Variants in KARS1 observed in about 807,000 individuals in gnomAD.
The protein encoded by KARS1 is lysine--tRNA ligase.
In KARS1, 50 loss-of-function variants were observed where a neutral mutation model predicts 63.9. The observed-to-expected ratio is 0.78, with a 90% CI of 0.62 to 0.99. KARS1 has a LOEUF of 0.99. Ranked by LOEUF, KARS1 falls within the 50% of genes least tolerant of loss-of-function variation. KARS1 has a pLI of 0.00. For synonymous variants in KARS1, 320 were observed against 264.6 expected, an observed-to-expected ratio of 1.21 and a Z score of -2.03; for missense variants, 816 against 754.5, an observed-to-expected ratio of 1.08 and a Z score of -0.95.
chr16:75,641,343 T>C (rs544928701), intron 2 of KARS1, among the ~76,000 whole-genome samples: 1 of 152,224 alleles, frequency 6.6e-6, no homozygotes, highest in South Asian at 2.1e-4. Flanking sequence ...GGAAGGTTAA[T>C]TCACTTGAAT....
chr16:75,629,770 G>T (rs1446719214), intron 11 of KARS1, among the ~76,000 whole-genome samples: 1 of 152,118 alleles, frequency 6.6e-6, no homozygotes, highest in Admixed American at 6.5e-5. Flanking sequence ...GCTAATTTTT[G>T]TATTTTTAGT....
rs2151809605 is a variant in KARS1 at position 75,640,491 on chromosome 16, T to C, written c.223-142A>G. On this transcript the variant is annotated intron_variant, in intron 2 of 13. Transcript: ENST00000302445. ...TAACCAAGACCTCTGCATTACAGGA[T>C]TGAATATGGAGTGAGATTTGCACTT... 12 of 775,612 alleles carry C rather than the reference T, an allele frequency of 1.5e-5. No individual in the cohort carries two copies. In the South Asian group the frequency reaches 1.8e-4, roughly 12 times the overall value. 48.0% of individuals were successfully genotyped at this position (775,612 alleles called of 1,614,324 possible). A position where few individuals can be genotyped will look rare whatever the true frequency, so the allele number is the denominator to read the frequency against.
chr16:75,628,311 GA>G (rs780547621), intron 13 of KARS1, among the ~76,000 whole-genome samples: 7 of 152,192 alleles, frequency 4.6e-5, no homozygotes, highest in Non-Finnish European at 1.5e-5. Context: ...TTAATTAGCT[GA>G]AATAATGCAC....
In KARS1 at chr16:75,635,754, T is replaced by G. The variant is rs1437353379; in HGVS notation, c.721A>C (p.Arg241=). The G allele has an allele frequency of 1.9e-6, 3 of 1,614,050 alleles. No homozygotes were observed. In the African/African-American group the frequency reaches 4.0e-5, roughly 22 times the overall value. The change falls in exon 6 of 14, where the codon AGG becomes CGG. Residue 241 remains arginine (R), a synonymous_variant. Coordinates refer to ENST00000302445, the MANE Select transcript of KARS1 (RefSeq NM_005548.3). ...YLDLILNDFV[R]QKFIIRSKII... ...TTAGAGCGGATGATAAATTTCTGCCTCACAAAGTCATTCAGGATCAAGTCC... is the reference window on the plus strand; with the variant it reads ...TTAGAGCGGATGATAAATTTCTGCCGCACAAAGTCATTCAGGATCAAGTCC...
rs554148087 is a variant in KARS1, at chr16:75,637,867, C to A, written c.389-1320G>T. 3.7e-5 allele frequency among the ~76,000 whole-genome samples: 5 copies of A among 135,830 alleles called. No individual in the cohort carries two copies. In the South Asian group the frequency reaches 7.0e-4, roughly 19 times the overall value. The allele number at this position is 135,830 out of a possible 152,430, so 89.1% of individuals were successfully genotyped here. A position where few individuals can be genotyped will look rare whatever the true frequency, so the allele number is the denominator to read the frequency against. On this transcript the variant is annotated intron_variant, in intron 3 of 13. Coordinates refer to ENST00000302445, the MANE Select transcript of KARS1 (RefSeq NM_005548.3). ...GCCAGGCTCCCTTCTAGGACAAGAC[C>A]GTAAAAACTAACAGGACAAGGAAAA...
In KARS1 at chr16:75,630,523, A is replaced by G. The variant is rs371316141; in HGVS notation, c.1339-15T>C. The G allele has an allele frequency of 3.9e-6, 6 of 1,534,754 alleles. No individual in the cohort carries two copies. Among genetic ancestry groups the G allele is most frequent in the Non-Finnish European group, 3.6e-6 (4 of 1,108,292 alleles). The stretch of plus-strand genomic sequence containing the variant: ...TCCCCAACAAGCTTAATGAGAAAGC[A>G]AAGCAGAGTCAGTCACCATTTCTGA... On this transcript the variant is annotated splice_polypyrimidine_tract_variant and intron_variant, in intron 10 of 13. Coordinates refer to ENST00000302445, the MANE Select transcript of KARS1 (RefSeq NM_005548.3).
At chr16:75,646,175 A>G (rs1436913989) in intron 1 of KARS1, among the ~76,000 whole-genome samples, 1 of 152,220 alleles carries the variant, frequency 6.6e-6, no homozygotes, top group Non-Finnish European at 1.5e-5. Context: ...GTCCTACCCA[A>G]CTATAAACTT....
At chr16:75,635,517 A>T (rs2082151917) in intron 6 of KARS1, 163 bp downstream of exon 6, 4 of 809,294 alleles carry the variant, frequency 4.9e-6, no homozygotes, top group Non-Finnish European at 8.2e-6. Context: ...CTGCCTTCCT[A>T]ATCAGGACAA....
intron 7 of KARS1, among the ~76,000 whole-genome samples, chr16:75,633,209 G>T (rs529743530): frequency 1.5e-3 from 222 of 152,262 alleles, no homozygotes; most frequent in Non-Finnish European, 2.0e-3. Context: ...AGGGTCGGCC[G>T]CAATGACAAA....
intron 3 of KARS1, among the ~76,000 whole-genome samples, chr16:75,637,900 C>CAAAAAAAAAAAAAAAAAAAAAAACCA (rs11386229): frequency 1.1e-5 from 1 of 93,778 alleles, no homozygotes; most frequent in Non-Finnish European, 2.3e-5. Flanking sequence ...AAAAAGAGAC[C>CAAAAAAAAAAAAAAAAAAAAAAACCA]AAAAAAAAAA....
chr16:75,646,696 G>C (rs2151814297), intron 1 of KARS1, among the ~76,000 whole-genome samples: 1 of 151,584 alleles, frequency 6.6e-6, no homozygotes, highest in South Asian at 2.1e-4. Flanking sequence ...TCCCAGGCTG[G>C]AGTGCAGTGG....
rs1156362879 is a variant in KARS1, at chr16:75,627,764, G to C, written c.*131C>G. ...ATTAAAAAGAAATTTTTAATTCCTT[G>C]TCTCTCTTCTGATGGCTGAACAGAA... On this transcript the variant is annotated 3_prime_UTR_variant, in exon 14 of 14. Coordinates refer to ENST00000302445, the MANE Select transcript of KARS1 (RefSeq NM_005548.3). 8.3e-6 allele frequency: 6 copies of C among 722,986 alleles called. No homozygotes were observed. Among genetic ancestry groups the C allele is most frequent in the African/African-American group, 5.3e-5 (3 of 56,658 alleles). The allele number at this position is 722,986 out of a possible 1,614,324, so 44.8% of individuals were successfully genotyped here. A position where few individuals can be genotyped will look rare whatever the true frequency, so the allele number is the denominator to read the frequency against.
chr16:75,628,072 C>A, intron 13 of KARS1, 79 bp from the exon 14 acceptor site: 1 of 871,900 alleles, frequency 1.1e-6, no homozygotes. Context: ...ATTCCTCTTG[C>A]CTCTGTTGTT....
rs764181385 is a variant in KARS1 at position 75,647,612 on chromosome 16, T to C, written c.28A>G (p.Lys10Glu). The C allele has an allele frequency of 8.1e-6, 13 of 1,613,362 alleles. No individual in the cohort carries two copies. Among genetic ancestry groups the C allele is most frequent in the Non-Finnish European group, 1.1e-5 (13 of 1,179,886 alleles). The change falls in exon 1 of 14, where the codon AAA (lysine) becomes GAA (glutamate). Residue 10 changes from lysine (K) to glutamate (E), a missense_variant. Coordinates refer to ENST00000302445, the MANE Select transcript of KARS1 (RefSeq NM_005548.3). MAAVQAAEVKVDGSEPKLSK... is the reference protein window; with the variant it reads MAAVQAAEVEVDGSEPKLSK... Reference sequence around the variant, plus strand: ...AGTTTCGGCTCGCTGCCATCCACTTTCACCTCGGCCGCCTGCACGGCCGCC... The same window carrying C: ...AGTTTCGGCTCGCTGCCATCCACTTCCACCTCGGCCGCCTGCACGGCCGCC...
Position 75,631,107 on chromosome 16 carries a change from G to A in KARS1, c.1338+61C>T, listed in dbSNP as rs7187847. On this transcript the variant is annotated intron_variant, in intron 10 of 13. Transcript: ENST00000302445. The stretch of plus-strand genomic sequence containing the variant: ...CTCCCCAGTGGGGTTCATTTTCCCA[G>A]GGAAGAGGGAACCATTCAGCACCAG... 0.082 allele frequency: 110,492 copies of A among 1,355,516 alleles called. 9,778 individuals carry two copies. The highest frequency in any genetic ancestry group is 0.44 in the African/African-American group (30,884 of 69,636). 84.0% of individuals were successfully genotyped at this position (1,355,516 alleles called of 1,614,324 possible).
Position 75,628,560 on chromosome 16 carries a change from G to C in KARS1, c.1695+9C>G. 1 of 1,613,414 alleles carries C rather than the reference G, an allele frequency of 6.2e-7. No individual in the cohort carries two copies. Among genetic ancestry groups the C allele is most frequent in the Non-Finnish European group, 8.5e-7 (1 of 1,179,884 alleles). ...CAGGAAGTGTGCTCTGTGGAGGGTT[G>C]CTACGTACCTTGATGTTGTTGGAGT... is the stretch of plus-strand genomic sequence containing the variant. On this transcript the variant is annotated intron_variant, in intron 13 of 13. Coordinates refer to ENST00000302445, the MANE Select transcript of KARS1 (RefSeq NM_005548.3).
chr16:75,641,629 C>T lies in KARS1; in HGVS notation c.157G>A (p.Ala53Thr), dbSNP rs552944283. The change falls in exon 2 of 14, where the codon GCT (alanine) becomes ACT (threonine). Residue 53 changes from alanine to threonine, a missense_variant. By Grantham distance (58) the Ala-to-Thr change is moderately conservative (BLOSUM62 0). Transcript: ENST00000302445. ...LSEKQLSQAT[A>T]AATNHTTDNG... ...TCAGTGGTGTGGTTGGTGGCAGCAG[C>T]AGTGGCTTGGCTTAGCTGTTTCTCA... is the stretch of plus-strand genomic sequence containing the variant. The T allele has an allele frequency of 5.0e-6, 8 of 1,614,014 alleles. No individual in the cohort carries two copies. In the East Asian group the frequency reaches 1.6e-4, roughly 31 times the overall value.
intron 6 of KARS1, among the ~76,000 whole-genome samples, chr16:75,634,593 T>A (rs897940767): frequency 1.3e-5 from 2 of 152,250 alleles, no homozygotes; most frequent in Non-Finnish European, 2.9e-5. Context: ...TAATTTTTTT[T>A]AAGACGGAGT....
At chr16:75,637,622 A>T (rs763579764) in intron 3 of KARS1, among the ~76,000 whole-genome samples, 56 of 152,040 alleles carry the variant, frequency 3.7e-4, no homozygotes, top group Non-Finnish European at 7.1e-4. Flanking sequence ...CTAAAAAAAA[A>T]TACAGAATTA....
Sources: allele counts gnomAD v4.1 joint callset (sites outside exome capture counted in the v4.1 genomes callset), GRCh38; gene constraint gnomAD v4.1.1; transcripts MANE v1.5; gene names NCBI Gene and HGNC (gene_info 2026-07-23, HGNC 2026-07-21).